Variants in BCAS3 observed in about 807,000 individuals in gnomAD.
BCAS3 encodes BCAS4/BCAS3 fusion.
Under a neutral mutation model 116.1 loss-of-function variants are expected in BCAS3, and 53 were observed. The observed-to-expected ratio is 0.46, with a 90% CI of 0.37 to 0.57. The LOEUF is 0.57. Among genes scored for constraint, BCAS3 ranks in the 20% least tolerant of loss-of-function variants. The pLI, the probability that BCAS3 is intolerant of heterozygous loss-of-function variation, is 0.00. For missense variants in BCAS3, 917 were observed against 1,165.4 expected (o/e 0.79, Z 3.10); for synonymous variants, 391 against 408.2 (o/e 0.96, Z 0.51).
At chr17:60,991,489 A>T (rs771616125) in intron 15 of BCAS3, among the ~76,000 whole-genome samples, 35 of 152,310 alleles carry the variant, frequency 2.3e-4, no homozygotes, top group Middle Eastern at 3.4e-3. Context: ...TCTCACTAGA[A>T]CGACAGAAAA....
chr17:61,084,518 A>G lies in BCAS3; in HGVS notation c.2379A>G (p.Pro793=), dbSNP rs1335624607. Residue 793 remains proline, a synonymous_variant, in exon 22 of 24, where the codon CCA becomes CCG. Transcript: ENST00000407086. This position sits in a 1 kb window ranked among gnomAD's most constrained non-coding sequence, Gnocchi z 5.5. ...DPVSMPGSSR[P]VSDRRGVSTV... The stretch of plus-strand genomic sequence containing the variant: ...TCAGCATGCCAGGGTCATCCCGTCC[A>G]GTCTCTGATCGAAGGGGAGTTTCCA... 1 of 1,614,170 alleles carries G rather than the reference A, an allele frequency of 6.2e-7. No individual in the cohort carries two copies. Among genetic ancestry groups the G allele is most frequent in the Non-Finnish European group, 8.5e-7 (1 of 1,180,014 alleles).
chr17:61,373,802 TTCTTTG>T (rs2059180032), intron 23 of BCAS3, among the ~76,000 whole-genome samples: 2 of 133,480 alleles, frequency 1.5e-5, no homozygotes, highest in Non-Finnish European at 3.2e-5. Flanking sequence ...CTTCTTCTTC[TTCTTTG>T]TTTTTTTTTT....
At position 61,261,546 on chromosome 17, in the gene BCAS3, G is replaced by C. The variant is rs1459039699; in HGVS notation, c.2426-106781G>C. ...CTGTTATTACATTCATTAGAAAAAA[G>C]AGCTGTTTATTTCTTTTCCGCATGT... On this transcript the variant is annotated intron_variant, in intron 22 of 23. Coordinates refer to ENST00000407086, the MANE Select transcript of BCAS3 (RefSeq NM_017679.5). This position sits in a 1 kb window ranked among gnomAD's most constrained non-coding sequence, Gnocchi z 4.4. Among the ~76,000 whole-genome samples, 1 of 152,126 alleles carries C rather than the reference G, an allele frequency of 6.6e-6. No homozygotes were observed. Among genetic ancestry groups the C allele is most frequent in the East Asian group, 1.9e-4 (1 of 5,200 alleles).
chr17:60,833,168 A>G (rs1256787056), intron 7 of BCAS3, among the ~76,000 whole-genome samples: 1 of 152,116 alleles, frequency 6.6e-6, no homozygotes, highest in African/African-American at 2.4e-5. Flanking sequence ...TACCTGGCCC[A>G]TTTTATATAT....
chr17:60,862,551 G>A, intron 7 of BCAS3, among the ~76,000 whole-genome samples: 1 of 152,240 alleles, frequency 6.6e-6, no homozygotes, highest in East Asian at 1.9e-4. Flanking sequence ...AGGTTGTTGT[G>A]TTTCTAGAAA....
chr17:61,380,420 C>T lies in BCAS3; in HGVS notation c.2594-11557C>T. 1.5e-6 allele frequency: 2 copies of T among 1,295,074 alleles called. No homozygotes were observed. Among genetic ancestry groups the T allele is most frequent in the Non-Finnish European group, 2.2e-6 (2 of 922,246 alleles). 80.2% of individuals were successfully genotyped at this position (1,295,074 alleles called of 1,614,324 possible). A position where few individuals can be genotyped will look rare whatever the true frequency, so the allele number is the denominator to read the frequency against. Reference sequence around the variant, plus strand: ...CAGTGGTCAAACCAGATTTGGGTATCGACTCACTTTGATCTCAGCTCTTCC... The same window carrying T: ...CAGTGGTCAAACCAGATTTGGGTATTGACTCACTTTGATCTCAGCTCTTCC... On this transcript the variant is annotated intron_variant, in intron 23 of 23. Coordinates refer to ENST00000407086, the MANE Select transcript of BCAS3 (RefSeq NM_017679.5). This position sits in a 1 kb window ranked among gnomAD's most constrained non-coding sequence, Gnocchi z 4.2.
At chr17:60,785,197 C>T (rs1352310234) in intron 6 of BCAS3, among the ~76,000 whole-genome samples, 1 of 152,104 alleles carries the variant, frequency 6.6e-6, no homozygotes, top group Non-Finnish European at 1.5e-5. Flanking sequence ...GTCTCATTGT[C>T]ACCCAGGCTG....
At chr17:61,033,830 C>T (rs566151105) in intron 16 of BCAS3, among the ~76,000 whole-genome samples, 55 of 152,078 alleles carry the variant, frequency 3.6e-4, no homozygotes, top group East Asian at 1.9e-3. Context: ...GGTGTGAGGT[C>T]GATATTAGAA....
intron 22 of BCAS3, among the ~76,000 whole-genome samples, chr17:61,242,075 G>A (rs1239582807): frequency 2.0e-5 from 3 of 152,024 alleles, no homozygotes; most frequent in African/African-American, 4.8e-5. Context: ...TTGGGAATTC[G>A]AAACCAGCCT....
chr17:61,263,152 C>T (rs1344487137), intron 22 of BCAS3, among the ~76,000 whole-genome samples: 2 of 152,190 alleles, frequency 1.3e-5, no homozygotes, highest in African/African-American at 4.8e-5. Context: ...CAATGAAGGA[C>T]CTGTTTACAA....
At chr17:60,968,565 C>G (rs2145336549) in intron 14 of BCAS3, among the ~76,000 whole-genome samples, 1 of 152,042 alleles carries the variant, frequency 6.6e-6, no homozygotes, top group South Asian at 2.1e-4. Context: ...TAAGTTGTTG[C>G]CTTTTTTTTT....
rs1025776893 is a variant in BCAS3, at chr17:61,313,029, C to T, written c.2426-55298C>T. Reference sequence around the variant, plus strand: ...GTGCCAGGTACAAAGTTAGACACTTCCCATCTTTCACCTCGTTGATCGCCT... The same window carrying T: ...GTGCCAGGTACAAAGTTAGACACTTTCCATCTTTCACCTCGTTGATCGCCT... On this transcript the variant is annotated intron_variant, in intron 22 of 23. Transcript: ENST00000407086. This position sits in a 1 kb window ranked among gnomAD's most constrained non-coding sequence, Gnocchi z 4.3. 1.3e-5 allele frequency among the ~76,000 whole-genome samples: 2 copies of T among 152,238 alleles called. No individual in the cohort carries two copies. The highest frequency in any genetic ancestry group is 2.4e-5 in the African/African-American group (1 of 41,464).
intron 22 of BCAS3, among the ~76,000 whole-genome samples, chr17:61,338,862 G>A (rs926078841): frequency 1.6e-4 from 23 of 142,394 alleles, no homozygotes; most frequent in African/African-American, 6.2e-4. Context: ...TCCTCAAATG[G>A]GAAGCCTATC....
intron 19 of BCAS3, among the ~76,000 whole-genome samples, chr17:61,053,523 C>G (rs181107286): frequency 6.6e-6 from 1 of 152,194 alleles, no homozygotes; most frequent in African/African-American, 2.4e-5. Flanking sequence ...CCTGGAAAAG[C>G]AATTAAATAT....
At chr17:60,696,881 A>G (rs1271372084) in intron 4 of BCAS3, among the ~76,000 whole-genome samples, 1 of 152,144 alleles carries the variant, frequency 6.6e-6, no homozygotes, top group African/African-American at 2.4e-5. Context: ...TTTACCTTTT[A>G]GAGTGTACAA....
chr17:61,264,893 A>G (rs1033751321), intron 22 of BCAS3, among the ~76,000 whole-genome samples: 2 of 152,246 alleles, frequency 1.3e-5, no homozygotes, highest in Non-Finnish European at 2.9e-5. Context: ...AAAGAGAGCT[A>G]AGCCATTAAT....
rs1368239525 is a variant in BCAS3 at position 61,196,814 on chromosome 17, G to A, written c.2425+112250G>A. Among the ~76,000 whole-genome samples, 6 of 152,190 alleles carry A rather than the reference G, an allele frequency of 3.9e-5. No individual in the cohort carries two copies. Among genetic ancestry groups the A allele is most frequent in the Admixed American group, 2.6e-4 (4 of 15,274 alleles). On this transcript the variant is annotated intron_variant, in intron 22 of 23. Transcript: ENST00000407086. The surrounding 1 kb of genome is among the most constrained non-coding windows in gnomAD (Gnocchi z 4.7). ...AATACACATTTTAACTGCTGAAACA[G>A]AAAGCATATATGCTCTAAAGTATAG...
chr17:61,212,578 G>A (rs2081528461), intron 22 of BCAS3, among the ~76,000 whole-genome samples: 1 of 150,990 alleles, frequency 6.6e-6, no homozygotes, highest in Admixed American at 6.6e-5. Flanking sequence ...TTGTATATTT[G>A]CAATATAGTA....
chr17:61,127,019 A>G (rs2076080346), intron 22 of BCAS3, among the ~76,000 whole-genome samples: 1 of 152,162 alleles, frequency 6.6e-6, no homozygotes, highest in African/African-American at 2.4e-5. Context: ...AAATTAGGAT[A>G]CATCTCGAAA....
Sources: allele counts gnomAD v4.1 joint callset (sites outside exome capture counted in the v4.1 genomes callset), GRCh38; gene constraint gnomAD v4.1.1; non-coding constraint Gnocchi (gnomAD v3.1); transcripts MANE v1.5; gene names NCBI Gene and HGNC (gene_info 2026-07-23, HGNC 2026-07-21).